Variants in DGKB observed in about 807,000 individuals in gnomAD.
The protein encoded by DGKB is 90 kDa diacylglycerol kinase.
Under a neutral mutation model 114.3 loss-of-function variants are expected in DGKB, and 67 were observed. The observed-to-expected ratio is 0.59, with a 90% CI of 0.48 to 0.72. The LOEUF (loss-of-function observed/expected upper bound fraction) is 0.72, where lower values mean the gene tolerates loss of function less well. Ranked by LOEUF, DGKB falls within the 30% of genes least tolerant of loss-of-function variation. DGKB has a pLI of 0.00. For missense variants in DGKB, 907 were observed against 975.2 expected (o/e 0.93, Z 0.93); for synonymous variants, 398 against 323.1 (o/e 1.23, Z -2.49).
Position 14,625,345 on chromosome 7 carries a change from G to A in DGKB, c.1168-3851C>T, listed in dbSNP as rs999234506. ...TTAATTTTTCTTCTATTTCCATTGA[G>A]AAAATTGTCTCTCCTTTTTATATGA... On this transcript the variant is annotated intron_variant, in intron 14 of 25. Transcript: ENST00000402815. Among the ~76,000 whole-genome samples the A allele has an allele frequency of 5.3e-5, 8 of 152,072 alleles. No homozygotes were observed. The South Asian group carries it at 1.7e-3, about 31-fold the overall frequency.
intron 23 of DGKB, among the ~76,000 whole-genome samples, chr7:14,318,612 G>A (rs1183991158): frequency 6.6e-6 from 1 of 152,012 alleles, no homozygotes; most frequent in Non-Finnish European, 1.5e-5. Flanking sequence ...AGTTAGAATG[G>A]CAATCATTAA....
chr7:14,347,752 A>G (rs961069314), intron 21 of DGKB, among the ~76,000 whole-genome samples: 4 of 152,014 alleles, frequency 2.6e-5, no homozygotes, highest in African/African-American at 9.7e-5. Context: ...AAAATAATGT[A>G]TTATATATTT....
At chr7:14,541,187 G>C (rs1251140966) in intron 20 of DGKB, among the ~76,000 whole-genome samples, 2 of 151,926 alleles carry the variant, frequency 1.3e-5, no homozygotes, top group African/African-American at 4.8e-5. Flanking sequence ...ACTAGTGGGA[G>C]CAGAGAATAG....
chr7:14,239,648 A>T (rs931961402), intron 23 of DGKB, among the ~76,000 whole-genome samples: 2 of 152,094 alleles, frequency 1.3e-5, no homozygotes, highest in South Asian at 2.1e-4. Flanking sequence ...ACATGCTAAG[A>T]TCAAAAGATC....
intron 6 of DGKB, among the ~76,000 whole-genome samples, chr7:14,711,713 A>AGAT (rs146968378): frequency 0.026 from 3,951 of 152,228 alleles, 83 homozygotes; most frequent in South Asian, 0.048. Context: ...GAAAATTAAC[A>AGAT]GATTATCTTC....
At chr7:14,781,633 G>C (rs1246884567) in intron 2 of DGKB, among the ~76,000 whole-genome samples, 2 of 152,126 alleles carry the variant, frequency 1.3e-5, no homozygotes, top group East Asian at 3.9e-4. Flanking sequence ...AAATTACTCA[G>C]AGACTTGTTC....
At chr7:14,912,762 C>T (rs1020791455) in intron 1 of DGKB, among the ~76,000 whole-genome samples, 2 of 152,068 alleles carry the variant, frequency 1.3e-5, no homozygotes, top group African/African-American at 2.4e-5. Context: ...TTAACTGTGG[C>T]TCCAGGCTCC....
At chr7:14,658,547 T>C (rs138485665) in intron 13 of DGKB, among the ~76,000 whole-genome samples, 1 of 151,956 alleles carries the variant, frequency 6.6e-6, no homozygotes. Context: ...ACATTGTATG[T>C]TTCAAAATAG....
At chr7:14,250,068 C>T (rs1050570132) in intron 23 of DGKB, among the ~76,000 whole-genome samples, 6 of 151,634 alleles carry the variant, frequency 4.0e-5, no homozygotes, top group Non-Finnish European at 7.4e-5. Context: ...GATCCTCCTG[C>T]CTCAGCCTCC....
intron 13 of DGKB, among the ~76,000 whole-genome samples, chr7:14,634,335 C>G (rs980562254): frequency 2.0e-5 from 3 of 151,320 alleles, no homozygotes; most frequent in African/African-American, 7.3e-5. Context: ...TCTATTTATT[C>G]AAATAACAGT....
chr7:14,530,459 A>T (rs1041477399), intron 20 of DGKB, among the ~76,000 whole-genome samples: 2 of 151,526 alleles, frequency 1.3e-5, no homozygotes, highest in African/African-American at 2.4e-5. Flanking sequence ...ATAGTTTTAC[A>T]TGCCTCCCTT....
At chr7:14,311,361 T>C (rs911814371) in intron 23 of DGKB, among the ~76,000 whole-genome samples, 2 of 152,272 alleles carry the variant, frequency 1.3e-5, no homozygotes, top group Middle Eastern at 3.4e-3. Context: ...TCCCCCACAC[T>C]GGTTTTTTGT....
intron 21 of DGKB, among the ~76,000 whole-genome samples, chr7:14,349,788 T>C (rs1196351221): frequency 2.0e-5 from 3 of 152,180 alleles, no homozygotes; most frequent in African/African-American, 7.2e-5. Context: ...GCATTTATGC[T>C]ATCTACTTTT....
chr7:14,217,865 T>C lies in DGKB; in HGVS notation c.2123-39714A>G, dbSNP rs1789259271. On this transcript the variant is annotated intron_variant, in intron 23 of 25. Coordinates refer to ENST00000402815, the MANE Select transcript of DGKB (RefSeq NM_001350709.2). ...TCTCACTTTTTATCTTTTCTTTCTT[T>C]GTCCATTGAAGTCTAGATGGTGTCC... 1.3e-5 allele frequency among the ~76,000 whole-genome samples: 2 copies of C among 152,092 alleles called. 1 individual carries two copies.
At chr7:14,553,302 T>C (rs935863512) in intron 20 of DGKB, among the ~76,000 whole-genome samples, 4 of 152,234 alleles carry the variant, frequency 2.6e-5, no homozygotes, top group African/African-American at 9.6e-5. Context: ...GTTTATTGTG[T>C]CCCATTCCTA....
chr7:14,583,762 T>C (rs944874775), intron 17 of DGKB, among the ~76,000 whole-genome samples: 6 of 152,166 alleles, frequency 3.9e-5, no homozygotes, highest in African/African-American at 1.4e-4. Flanking sequence ...CTGCCATAAA[T>C]ACCCACTGCT....
At chr7:14,929,181 C>G (rs1784884906) in intron 1 of DGKB, among the ~76,000 whole-genome samples, 1 of 152,022 alleles carries the variant, frequency 6.6e-6, no homozygotes, top group Non-Finnish European at 1.5e-5. Flanking sequence ...GTGAATAATG[C>G]TGTCATCAAC....
intron 20 of DGKB, among the ~76,000 whole-genome samples, chr7:14,573,821 G>T (rs538252533): frequency 2.0e-5 from 3 of 151,918 alleles, no homozygotes; most frequent in Non-Finnish European, 2.9e-5. Context: ...TTTATAAAAT[G>T]CATCTCAAAG....
intron 17 of DGKB, among the ~76,000 whole-genome samples, chr7:14,597,623 T>A (rs1385194363): frequency 6.6e-6 from 1 of 152,162 alleles, no homozygotes; most frequent in African/African-American, 2.4e-5. Flanking sequence ...ATTTTCATGC[T>A]CCTTGAGTTG....
Sources: allele counts gnomAD v4.1 joint callset (sites outside exome capture counted in the v4.1 genomes callset), GRCh38; gene constraint gnomAD v4.1.1; transcripts MANE v1.5; gene names NCBI Gene and HGNC (gene_info 2026-07-23, HGNC 2026-07-21).